MYO19: variants seen among roughly 807,000 people sequenced by gnomAD.
MYO19 encodes unconventional myosin-XIX.
Under a neutral mutation model 129.2 loss-of-function variants are expected in MYO19, and 132 were observed. The observed-to-expected ratio is 1.02, with a 90% CI of 0.89 to 1.18. MYO19 has a LOEUF of 1.18. Ranked by LOEUF, MYO19 falls within the 50% of genes most tolerant of loss-of-function variation. The pLI, the probability that MYO19 is intolerant of heterozygous loss-of-function variation, is 0.00. For missense variants in MYO19, 1,210 were observed against 1,216.7 expected (o/e 0.99, Z 0.08); for synonymous variants, 531 against 477.2 (o/e 1.11, Z -1.47).
intron 24 of MYO19, 60 bp downstream of exon 24, chr17:36,499,015 G>A: frequency 7.4e-7 from 1 of 1,359,756 alleles, no homozygotes; most frequent in Non-Finnish European, 1.0e-6. Context: ...TTCCCACTCG[G>A]GTCCATCTGG....
chr17:36,495,770 A>ATAATT lies in MYO19; in HGVS notation c.*476_*480dup. The ATAATT allele has an allele frequency of 8.1e-7, 1 of 1,240,980 alleles. No homozygotes were observed. The highest frequency in any genetic ancestry group is 1.0e-6 in the Non-Finnish European group (1 of 993,172). The allele number at this position is 1,240,980 out of a possible 1,614,324, so 76.9% of individuals were successfully genotyped here. ...GATTCTACTGTACATTGCATTATTC[A>ATAATT]TAATTTAATTGTTTGAAATTACATT... On this transcript the variant is annotated 3_prime_UTR_variant, in exon 26 of 26. Coordinates refer to ENST00000614623, the MANE Select transcript of MYO19 (RefSeq NM_001163735.2).
intron 1 of MYO19, chr17:36,542,389 C>T (rs1599482915): frequency 6.6e-6 from 1 of 152,182 alleles, no homozygotes. Context: ...CTTTACCAAC[C>T]AGAATCCTAA....
rs773014443 is a variant in MYO19, at chr17:36,503,147, G to A, written c.2030C>T (p.Pro677Leu). The A allele has an allele frequency of 6.8e-6, 11 of 1,613,936 alleles. No homozygotes were observed. The highest frequency in any genetic ancestry group is 1.7e-5 in the Admixed American group (1 of 60,010). ...ERYKLLRRLH[P>L]CTSSGPDSPY... is the part of the protein sequence containing the mutation. ...GCTGTCGGGGCCAGAGGATGTGCAA[G>A]GATGAAGCCTTCTTAGTAACTTGTA... The change falls in exon 21 of 26, where the codon CCT becomes CTT. Residue 677 changes from proline (P) to leucine (L), a missense_variant. Physicochemically the swap from Pro to Leu is moderately conservative, Grantham distance 98 (BLOSUM62 -3). Transcript: ENST00000614623.
At chr17:36,537,634 C>G (rs368008171), upstream of MYO19, 528 of 1,614,066 alleles carry the variant, frequency 3.3e-4, 6 homozygotes, top group South Asian at 3.9e-3. Context: ...GTTTTTGGGT[C>G]TGCAATGGTT....
upstream of MYO19, among the ~76,000 whole-genome samples, chr17:36,544,688 G>T (rs1183112036): frequency 9.9e-5 from 15 of 152,200 alleles, no homozygotes; most frequent in Admixed American, 9.8e-4. Context: ...AGGTTGGGCC[G>T]ATCACCCCTC....
At chr17:36,508,378 A>G (rs969327855) in intron 14 of MYO19, 5 of 157,592 alleles carry the variant, frequency 3.2e-5, no homozygotes, top group African/African-American at 1.2e-4. Context: ...ATTTCCTCCT[A>G]TAACTGACTG....
rs184436157 is a variant in MYO19 at position 36,531,113 on chromosome 17, G to C, written c.12+1414C>G. On this transcript the variant is annotated intron_variant, in intron 3 of 25. Transcript: ENST00000614623. ...CAAAAATTATTAAAAAAAATTTGGA[G>C]GCTGGGCGCGGTGGCTCACGCCTGT... Among the ~76,000 whole-genome samples, 86 of 151,952 alleles carry C rather than the reference G, an allele frequency of 5.7e-4. No individual in the cohort carries two copies. In the East Asian group the frequency reaches 0.016, roughly 29 times the overall value.
chr17:36,498,661 A>G (rs2071224087), intron 24 of MYO19, 102 bp from the exon 25 acceptor site: 1 of 1,329,756 alleles, frequency 7.5e-7, no homozygotes, highest in East Asian at 2.5e-5. Context: ...AACAAGGTGA[A>G]CTGAAGGCAC....
chr17:36,535,364 C>G (rs1254947254), upstream of MYO19: 1 of 152,352 alleles, frequency 6.6e-6, no homozygotes, highest in African/African-American at 2.4e-5. Flanking sequence ...CCTGCACCAG[C>G]CCAAAGGACA....
chr17:36,507,716 A>T, intron 15 of MYO19, 87 bp downstream of exon 15: 3 of 1,448,964 alleles, frequency 2.1e-6, no homozygotes, highest in Non-Finnish European at 2.8e-6. Context: ...AAAGGCTTCT[A>T]ATCAGAACCT....
At chr17:36,507,162 C>G in intron 16 of MYO19, 23 bp from the exon 17 acceptor site, 1 of 1,587,242 alleles carries the variant, frequency 6.3e-7, no homozygotes, top group Non-Finnish European at 8.6e-7. Context: ...AACAGGGGGT[C>G]AGCCACCAAC....
At position 36,541,235 on chromosome 17, in the gene MYO19, G is replaced by A. The variant is rs1296746628; in HGVS notation, n.395+846C>T. On this transcript the variant is annotated intron_variant and non_coding_transcript_variant, in intron 2 of 2. Transcript: ENST00000610496. ...GCTGGGATTACAGGTGCGAGCCACC[G>A]CACCCGGCCAATTTTAATTTTACAC... Among the ~76,000 whole-genome samples, 7 of 152,200 alleles carry A rather than the reference G, an allele frequency of 4.6e-5. No homozygotes were observed. In the Middle Eastern group the frequency reaches 0.01, roughly 222 times the overall value.
chr17:36,525,196 G>T, intron 6 of MYO19, 32 bp downstream of exon 6: 1 of 1,524,542 alleles, frequency 6.6e-7, no homozygotes, highest in Non-Finnish European at 9.1e-7. Flanking sequence ...AGCCAGTCGT[G>T]AGTTGACAGG....
intron 2 of MYO19, among the ~76,000 whole-genome samples, chr17:36,541,123 A>G (rs1455438670): frequency 2.0e-5 from 3 of 151,318 alleles, no homozygotes; most frequent in South Asian, 2.1e-4. Flanking sequence ...GATTTTTTGT[A>G]TTTTTATTAG....
chr17:36,536,524 C>CTTTT (rs10715370), upstream of MYO19, among the ~76,000 whole-genome samples: 53 of 125,536 alleles, frequency 4.2e-4, no homozygotes, highest in East Asian at 9.3e-4. Context: ...TTTTCTTTTC[C>CTTTT]TTTTTTTTTT....
chr17:36,516,778 T>C (rs1333212966), intron 6 of MYO19, among the ~76,000 whole-genome samples: 4 of 152,276 alleles, frequency 2.6e-5, no homozygotes, highest in Non-Finnish European at 5.9e-5. Flanking sequence ...ACACTGTCTT[T>C]ACATATTGAC....
At chr17:36,506,420 T>C (rs752648062) in intron 18 of MYO19, 36 bp downstream of exon 18, 2 of 1,559,926 alleles carry the variant, frequency 1.3e-6, no homozygotes, top group Non-Finnish European at 8.6e-7. Context: ...CCGTGGAGTT[T>C]GAACCAAGCA....
chr17:36,538,091 A>G (rs1415653353), upstream of MYO19: 2 of 1,614,130 alleles, frequency 1.2e-6, no homozygotes, highest in Admixed American at 1.7e-5. Context: ...ATAAGAACCG[A>G]TCACATATCA....
chr17:36,537,671 T>A (rs371568140), upstream of MYO19: 2 of 1,614,066 alleles, frequency 1.2e-6, no homozygotes, highest in African/African-American at 2.7e-5. Flanking sequence ...GGAGAAAATA[T>A]ATGGAAGGGT....
Sources: allele counts gnomAD v4.1 joint callset (sites outside exome capture counted in the v4.1 genomes callset), GRCh38; gene constraint gnomAD v4.1.1; transcripts MANE v1.5; gene names NCBI Gene and HGNC (gene_info 2026-07-23, HGNC 2026-07-21).